The following PAK1 variants were observed in gnomAD, a reference collection of about 807,000 sequenced individuals.
The protein encoded by PAK1 is p21 (RAC1) activated kinase 1.
In PAK1, 29 loss-of-function variants were observed where a neutral mutation model predicts 67.4. The observed-to-expected ratio is 0.43, with a 90% CI of 0.32 to 0.59. The LOEUF is 0.59. Among genes scored for constraint, PAK1 ranks in the 20% least tolerant of loss-of-function variants. The pLI is 0.07. For synonymous variants in PAK1, 223 were observed against 237.4 expected (o/e 0.94, Z 0.56); for missense variants, 337 against 670.7 (o/e 0.50, Z 5.50).
At chr11:77,440,230 T>G (rs1229454766) in intron 1 of PAK1, among the ~76,000 whole-genome samples, 6 of 152,084 alleles carry the variant, frequency 3.9e-5, no homozygotes, top group Non-Finnish European at 7.4e-5. Context: ...ATCCTAAACT[T>G]TCAAACATAC....
chr11:77,517,099 T>C, the PAK1 span, among the ~76,000 whole-genome samples: 1 of 152,302 alleles, frequency 6.6e-6, no homozygotes, highest in Non-Finnish European at 1.5e-5. Flanking sequence ...GAATCTTCCT[T>C]CAGGCATAAT....
At chr11:77,405,719 C>T (rs1953448419) in intron 1 of PAK1, among the ~76,000 whole-genome samples, 1 of 145,066 alleles carries the variant, frequency 6.9e-6, no homozygotes, top group Non-Finnish European at 1.5e-5. Context: ...ACACACCCTT[C>T]CCTTGACACC....
the PAK1 span, among the ~76,000 whole-genome samples, chr11:77,510,616 T>C: frequency 2.2e-4 from 34 of 152,368 alleles, no homozygotes; most frequent in African/African-American, 6.7e-4. Flanking sequence ...TGGAAAGATA[T>C]TCAGTTTTGT....
At chr11:77,472,656 C>CA (rs1957920195) in intron 1 of PAK1, among the ~76,000 whole-genome samples, 4 of 152,310 alleles carry the variant, frequency 2.6e-5, no homozygotes, top group South Asian at 2.1e-4. Context: ...TTTCTCCTGA[C>CA]AGAGTTGAAA....
the PAK1 span, among the ~76,000 whole-genome samples, chr11:77,482,140 C>A: frequency 6.6e-6 from 1 of 152,080 alleles, no homozygotes; most frequent in Non-Finnish European, 1.5e-5. Flanking sequence ...AGGCACACCC[C>A]ACCACGCCCA....
chr11:77,347,380 C>T (rs1944588873), intron 9 of PAK1, among the ~76,000 whole-genome samples: 1 of 152,110 alleles, frequency 6.6e-6, no homozygotes, highest in Non-Finnish European at 1.5e-5. Flanking sequence ...GATTCTAATC[C>T]AGTCCCTGGT....
intron 8 of PAK1, 41 bp from the exon 9 acceptor site, chr11:77,349,328 G>A (rs1263170415): frequency 2.0e-6 from 3 of 1,494,838 alleles, no homozygotes; most frequent in Non-Finnish European, 1.8e-6. Context: ...AAAAAACACA[G>A]TGTTCAATAA....
intron 1 of PAK1, among the ~76,000 whole-genome samples, chr11:77,392,986 T>A (rs570196146): frequency 1.3e-5 from 2 of 152,298 alleles, no homozygotes; most frequent in Non-Finnish European, 2.9e-5. Flanking sequence ...TTTTATAACC[T>A]TAGACAAGTT....
At chr11:77,400,238 T>C (rs2602463) in intron 1 of PAK1, among the ~76,000 whole-genome samples, 52,473 of 151,526 alleles carry the variant, frequency 0.35, 9,243 homozygotes, top group South Asian at 0.52. Flanking sequence ...AATGTGAGAG[T>C]ACAGTGTGGC....
intron 1 of PAK1, among the ~76,000 whole-genome samples, chr11:77,413,184 G>A (rs1432575092): frequency 2.0e-5 from 3 of 152,184 alleles, no homozygotes; most frequent in Non-Finnish European, 4.4e-5. Flanking sequence ...GCTTTGAAAG[G>A]TTTGAAAGCA....
At chr11:77,410,638 A>G (rs1184591876) in intron 1 of PAK1, among the ~76,000 whole-genome samples, 4 of 151,756 alleles carry the variant, frequency 2.6e-5, no homozygotes, top group African/African-American at 7.3e-5. Flanking sequence ...GGAGAAATAC[A>G]AAAGGGGAAG....
intron 1 of PAK1, among the ~76,000 whole-genome samples, chr11:77,438,578 T>C (rs1462206071): frequency 6.6e-6 from 1 of 152,366 alleles, no homozygotes; most frequent in Non-Finnish European, 1.5e-5. Context: ...TTTTAACTAA[T>C]GCTGTTGCTC....
At chr11:77,517,979 C>T in the PAK1 span, among the ~76,000 whole-genome samples, 1 of 152,156 alleles carries the variant, frequency 6.6e-6, no homozygotes, top group Non-Finnish European at 1.5e-5. Flanking sequence ...ACAGATGAAG[C>T]TTCGCTCGCC....
chr11:77,452,935 T>TA (rs1956921126), intron 1 of PAK1, among the ~76,000 whole-genome samples: 1 of 152,212 alleles, frequency 6.6e-6, no homozygotes, highest in South Asian at 2.1e-4. Context: ...TGACTTTAAC[T>TA]AAATCCCATC....
In PAK1 at chr11:77,358,995, G is replaced by A. The variant is rs1447705311; in HGVS notation, c.500C>T (p.Thr167Ile). 6.2e-7 allele frequency: 1 copy of A among 1,613,228 alleles called. No homozygotes were observed. Among genetic ancestry groups the A allele is most frequent in the Admixed American group, 1.7e-5 (1 of 59,916 alleles). Residue 167 changes from threonine (T) to isoleucine (I), a missense_variant, in exon 6 of 15, where the codon ACT (threonine) becomes ATT (isoleucine). Thr to Ile is a moderately conservative substitution (Grantham distance 89). Transcript: ENST00000356341. ...TTCTGAAACTGGTGGCACTGCAGGA[G>A]TCTCAGACACAGCCTTCACATTCTG... ...NALNVKAVSE[T>I]PAVPPVSEDE...
chr11:77,350,003 T>C (rs1345262511), intron 8 of PAK1, among the ~76,000 whole-genome samples: 2 of 152,196 alleles, frequency 1.3e-5, no homozygotes, highest in Non-Finnish European at 2.9e-5. Flanking sequence ...CACTTATGTA[T>C]GCTATCTTTA....
intron 5 of PAK1, among the ~76,000 whole-genome samples, chr11:77,372,788 C>CGG (rs1268995268): frequency 2.6e-5 from 4 of 152,212 alleles, no homozygotes; most frequent in African/African-American, 9.6e-5. Context: ...CACATACATG[C>CGG]TATTCTCTTT....
At chr11:77,521,262 G>A in the PAK1 span, among the ~76,000 whole-genome samples, 1 of 152,076 alleles carries the variant, frequency 6.6e-6, no homozygotes, top group Non-Finnish European at 1.5e-5. Context: ...GGGTGCAGTG[G>A]CTCACACCTG....
chr11:77,520,844 G>A, the PAK1 span, among the ~76,000 whole-genome samples: 110 of 152,294 alleles, frequency 7.2e-4, no homozygotes, highest in African/African-American at 2.5e-3. Context: ...CGCGGGGTAT[G>A]TAAGGGAGAG....
Sources: allele counts gnomAD v4.1 joint callset (sites outside exome capture counted in the v4.1 genomes callset), GRCh38; gene constraint gnomAD v4.1.1; transcripts MANE v1.5; gene names NCBI Gene and HGNC (gene_info 2026-07-23, HGNC 2026-07-21).